Variants in TBC1D1 observed in about 807,000 individuals in gnomAD.
TBC1D1 encodes the protein TBC1 domain family member 1, also known as TBC1 (tre-2/USP6, BUB2, cdc16) domain family, member 1.
Under a neutral mutation model 125.6 loss-of-function variants are expected in TBC1D1, and 89 were observed. The observed-to-expected ratio is 0.71, with a 90% CI of 0.60 to 0.85. The LOEUF (loss-of-function observed/expected upper bound fraction) is 0.85, where lower values mean the gene tolerates loss of function less well. Among genes scored for constraint, TBC1D1 ranks in the 40% least tolerant of loss-of-function variants. The probability of loss-of-function intolerance (pLI) is 0.00; values close to 1 mark genes in which losing one functional copy is unlikely to be tolerated. For missense variants in TBC1D1, 1,377 were observed against 1,469.2 expected, an observed-to-expected ratio of 0.94 and a Z score of 1.03; for synonymous variants, 565 against 564.1, an observed-to-expected ratio of 1.00 and a Z score of -0.02.
At chr4:37,916,731 A>G (rs1719815543) in intron 2 of TBC1D1, among the ~76,000 whole-genome samples, 1 of 152,088 alleles carries the variant, frequency 6.6e-6, no homozygotes, top group Non-Finnish European at 1.5e-5. Context: ...GGGAGGGCTG[A>G]TGTTTAGCTT....
chr4:37,897,274 C>A (rs1223657902), intron 1 of TBC1D1, among the ~76,000 whole-genome samples: 1 of 152,076 alleles, frequency 6.6e-6, no homozygotes, highest in East Asian at 1.9e-4. Flanking sequence ...TACTTTTAAA[C>A]CAAATCCCTA....
Position 38,096,028 on chromosome 4 carries a change from G to A in TBC1D1, c.2336G>A (p.Ser779Asn). Residue 779 changes from serine (S) to asparagine (N), a missense_variant, in exon 14 of 20, where the codon AGC becomes AAC. Around this residue, in one of 3 missense-constraint regions of TBC1D1, gnomAD observed 543 missense variants for 613.5 expected, o/e 0.89. Transcript: ENST00000261439. The stretch of plus-strand genomic sequence containing the variant: ...ACTACAGTGTGGGAAAAGATGCTTA[G>A]CACTCCAGGAAGATCAAAAATTAAG... 2 of 1,614,014 alleles carry A rather than the reference G, an allele frequency of 1.2e-6. No homozygotes were observed. Among genetic ancestry groups the A allele is most frequent in the Non-Finnish European group, 1.7e-6 (2 of 1,179,940 alleles).
intron 1 of TBC1D1, among the ~76,000 whole-genome samples, chr4:37,895,975 C>T (rs898412750): frequency 6.6e-6 from 1 of 152,104 alleles, no homozygotes; most frequent in African/African-American, 2.4e-5. Flanking sequence ...AGTCAGTGAG[C>T]CTACTGCATG....
At chr4:38,125,242 T>C in intron 18 of TBC1D1, 111 bp downstream of exon 20, 1 of 1,005,598 alleles carries the variant, frequency 9.9e-7, no homozygotes, top group Non-Finnish European at 1.5e-6. Context: ...TGAACGGCAT[T>C]CTGCATGATG....
intron 2 of TBC1D1, among the ~76,000 whole-genome samples, chr4:37,992,283 G>C (rs1318365927): frequency 6.6e-6 from 1 of 152,106 alleles, no homozygotes; most frequent in African/African-American, 2.4e-5. Context: ...AGCGCTTGAG[G>C]TTTTGGGCTC....
At chr4:38,127,550 AT>A (rs2152623053) in intron 18 of TBC1D1, among the ~76,000 whole-genome samples, 1 of 151,912 alleles carries the variant, frequency 6.6e-6, no homozygotes, top group African/African-American at 2.4e-5. Context: ...CGCTCAGCTA[AT>A]TTTTGTATTT....
intron 8 of TBC1D1, among the ~76,000 whole-genome samples, chr4:38,043,891 T>C (rs1052435803): frequency 6.6e-6 from 1 of 152,214 alleles, no homozygotes; most frequent in Non-Finnish European, 1.5e-5. Context: ...AGGTAAGTTA[T>C]TGTTTTATTT....
At chr4:38,045,245 G>C (rs889509201) in intron 9 of TBC1D1, among the ~76,000 whole-genome samples, 7 of 152,194 alleles carry the variant, frequency 4.6e-5, no homozygotes, top group African/African-American at 9.7e-5. Context: ...GGAGTGTGCA[G>C]TATCTTATTA....
At chr4:38,115,983 C>A in intron 16 of TBC1D1, 29 bp downstream of exon 18, 1 of 1,604,500 alleles carries the variant, frequency 6.2e-7, no homozygotes, top group South Asian at 1.1e-5. Context: ...GTCTTTAATA[C>A]AACAAAATGC....
intron 6 of TBC1D1, among the ~76,000 whole-genome samples, chr4:38,025,437 G>C (rs1037551010): frequency 3.3e-5 from 5 of 152,224 alleles, no homozygotes; most frequent in Non-Finnish European, 7.3e-5. Flanking sequence ...CTCGGACCTA[G>C]GCGGGCCGGC....
intron 2 of TBC1D1, among the ~76,000 whole-genome samples, chr4:38,006,474 A>T (rs1322716747): frequency 1.7e-3 from 176 of 101,290 alleles, no homozygotes; most frequent in Admixed American, 2.8e-3. Context: ...GACCAACACT[A>T]TTTTTTTTTT....
At chr4:38,097,149 G>GA (rs2152548740) in intron 14 of TBC1D1, among the ~76,000 whole-genome samples, 1 of 152,170 alleles carries the variant, frequency 6.6e-6, no homozygotes, top group East Asian at 1.9e-4. Flanking sequence ...TGTGCAGTGG[G>GA]AAAACGTTGT....
chr4:38,047,267 C>A (rs1389905296), intron 10 of TBC1D1, among the ~76,000 whole-genome samples: 2 of 152,168 alleles, frequency 1.3e-5, no homozygotes, highest in Non-Finnish European at 2.9e-5. Flanking sequence ...CGGGTTCAGG[C>A]CATTCTCTTG....
At chr4:38,062,806 T>C (rs893640753) in intron 12 of TBC1D1, among the ~76,000 whole-genome samples, 14 of 152,146 alleles carry the variant, frequency 9.2e-5, no homozygotes, top group Non-Finnish European at 2.9e-5. Context: ...TCCATAACAC[T>C]GTGTGAGGGC....
intron 8 of TBC1D1, among the ~76,000 whole-genome samples, chr4:38,038,423 A>G (rs1747643211): frequency 6.6e-6 from 1 of 152,150 alleles, no homozygotes; most frequent in African/African-American, 2.4e-5. Context: ...TCATATATTT[A>G]TCTATTAGTC....
intron 18 of TBC1D1, among the ~76,000 whole-genome samples, chr4:38,130,819 T>C (rs771143050): frequency 2.4e-4 from 37 of 152,254 alleles, no homozygotes; most frequent in Non-Finnish European, 5.1e-4. Context: ...TTTATTCATC[T>C]GAGACAACAT....
intron 2 of TBC1D1, among the ~76,000 whole-genome samples, chr4:37,970,493 T>A (rs1731815538): frequency 6.6e-6 from 1 of 152,224 alleles, no homozygotes; most frequent in Non-Finnish European, 1.5e-5. Context: ...GAAAGCCCAT[T>A]CCCTCTCCAC....
chr4:38,039,563 T>TTAATTTGTGGTATTAA, intron 8 of TBC1D1, among the ~76,000 whole-genome samples: 1 of 152,322 alleles, frequency 6.6e-6, no homozygotes, highest in South Asian at 2.1e-4. Context: ...TTCCTTTTTG[T>TTAATTTGTGGTATTAA]TCTGTGGTAT....
chr4:37,947,631 A>T (rs1381372662), intron 2 of TBC1D1, among the ~76,000 whole-genome samples: 1 of 152,128 alleles, frequency 6.6e-6, no homozygotes, highest in Non-Finnish European at 1.5e-5. Context: ...AATTAAAAAA[A>T]TTTTGTTTGT....
Sources: gnomAD v4.1 joint callset for allele counts (sites outside exome capture counted in the v4.1 genomes callset) on GRCh38, gnomAD v4.1.1 for gene constraint, gnomAD v4.1.1 regional missense constraint, MANE v1.5 for transcripts, NCBI Gene and HGNC (gene_info 2026-07-23, HGNC 2026-07-21) for gene names.